GC: variants seen among roughly 807,000 people sequenced by gnomAD.
The protein encoded by GC is GC vitamin D binding protein.
Under a neutral mutation model 56.7 loss-of-function variants are expected in GC, and 43 were observed. The ratio of observed to expected loss-of-function variants is 0.76; its 90% CI spans 0.59 to 0.98. The LOEUF (loss-of-function observed/expected upper bound fraction) is 0.98. GC is among the 50% of genes least tolerant of loss of function. The pLI is 0.00. For synonymous variants in GC, 216 were observed against 202.7 expected (o/e 1.07, Z -0.56); for missense variants, 529 against 545.9 (o/e 0.97, Z 0.31).
Position 71,764,331 on chromosome 4 carries a change from T to G in GC, c.474-395A>C, listed in dbSNP as rs1208647656. On this transcript the variant is annotated intron_variant, in intron 4 of 12. Transcript: ENST00000273951. Reference sequence around the variant, plus strand: ...ATTTTGATGGACAAAGGATATATGTTACATTAATTTATAGTTTTAATATCT... The same window carrying G: ...ATTTTGATGGACAAAGGATATATGTGACATTAATTTATAGTTTTAATATCT... Among the ~76,000 whole-genome samples the G allele has an allele frequency of 1.9e-4, 29 of 152,308 alleles. 1 individual carries two copies. The highest frequency in any genetic ancestry group is 1.6e-3 in the Admixed American group (25 of 15,286).
intron 12 of GC, among the ~76,000 whole-genome samples, 156 bp from the exon 13 acceptor site, chr4:71,742,026 A>G (rs1741200966): frequency 6.6e-6 from 1 of 152,232 alleles, no homozygotes; most frequent in Non-Finnish European, 1.5e-5. Flanking sequence ...ACTATGGCCC[A>G]TCTCATAGGT....
At position 71,741,796 on chromosome 4, in the gene GC, T is replaced by A; in HGVS notation, c.*100A>T. ...GAAAAAGTAGAAAGTATCCTAGTTG[T>A]CTTCCCAGAAGCTCAGTGGTTTTGC... On this transcript the variant is annotated 3_prime_UTR_variant, in exon 13 of 13. Coordinates refer to ENST00000273951, the MANE Select transcript of GC (RefSeq NM_000583.4). The A allele has an allele frequency of 1.4e-6, 1 of 702,660 alleles. No individual in the cohort carries two copies. The highest frequency in any genetic ancestry group is 2.6e-6 in the Non-Finnish European group (1 of 384,902). 43.5% of individuals were successfully genotyped at this position (702,660 alleles called of 1,614,324 possible). A position where few individuals can be genotyped will look rare whatever the true frequency, so the allele number is the denominator to read the frequency against.
At chr4:71,748,687 T>C (rs553549473) in intron 11 of GC, among the ~76,000 whole-genome samples, 9 of 152,218 alleles carry the variant, frequency 5.9e-5, no homozygotes, top group Non-Finnish European at 1.2e-4. Flanking sequence ...AAGAGTGCCA[T>C]GGTAAAGCCA....
At chr4:71,801,390 T>C (rs186812000) in intron 1 of GC, among the ~76,000 whole-genome samples, 34 of 152,334 alleles carry the variant, frequency 2.2e-4, no homozygotes, top group Middle Eastern at 3.4e-3. Context: ...TACTCTGCCC[T>C]GCAAATTCCA....
At chr4:71,803,174 C>A (rs1462326075) in intron 1 of GC, among the ~76,000 whole-genome samples, 2 of 152,146 alleles carry the variant, frequency 1.3e-5, no homozygotes, top group East Asian at 1.9e-4. Flanking sequence ...TTTACTTCTT[C>A]CTCTGACTTA....
chr4:71,792,445 G>T (rs927538167), intron 1 of GC, among the ~76,000 whole-genome samples: 1 of 151,188 alleles, frequency 6.6e-6, no homozygotes, highest in Non-Finnish European at 1.5e-5. Context: ...CATGTTGACT[G>T]CATGAATGTC....
Position 71,768,559 on chromosome 4 carries a change from C to A in GC, c.129-126G>T, listed in dbSNP as rs7697794. 13,476 of 709,202 alleles carry A rather than the reference C, an allele frequency of 0.019. 1,357 individuals are homozygous for A. The African/African-American group carries it at 0.22, about 12-fold the overall frequency. 43.9% of individuals were successfully genotyped at this position (709,202 alleles called of 1,614,324 possible). On this transcript the variant is annotated intron_variant, in intron 2 of 12. Coordinates refer to ENST00000273951, the MANE Select transcript of GC (RefSeq NM_000583.4). The stretch of plus-strand genomic sequence containing the variant: ...TCTCAGCTCACTGCACTCTCTGCCT[C>A]CCAGGTTCAAGCAATTCTGCCTCAG...
intron 1 of GC, among the ~76,000 whole-genome samples, chr4:71,790,908 C>T (rs1473398661): frequency 6.6e-5 from 10 of 151,764 alleles, no homozygotes; most frequent in Admixed American, 6.6e-4. Context: ...TAAAGCTATC[C>T]CTCCCCTCTC....
At chr4:71,784,887 C>G (rs190399363), upstream of GC, among the ~76,000 whole-genome samples, 260 of 151,724 alleles carry the variant, frequency 1.7e-3, no homozygotes, top group African/African-American at 5.9e-3. Flanking sequence ...AATCCAACAT[C>G]TTCATTTTAC....
At chr4:71,784,115 C>A, upstream of GC, 1 of 1,503,168 alleles carries the variant, frequency 6.7e-7, no homozygotes, top group Non-Finnish European at 8.9e-7. Flanking sequence ...TACAAAGATT[C>A]CTGACTATGA....
chr4:71,787,199 T>A (rs1742861512), upstream of GC, among the ~76,000 whole-genome samples: 1 of 151,968 alleles, frequency 6.6e-6, no homozygotes, highest in Non-Finnish European at 1.5e-5. Flanking sequence ...AATAAGACTG[T>A]GTTTCTGCCT....
chr4:71,777,375 G>A (rs1373153803), intron 1 of GC, among the ~76,000 whole-genome samples: 1 of 151,556 alleles, frequency 6.6e-6, no homozygotes, highest in African/African-American at 2.4e-5. Context: ...TAAGGCTAAA[G>A]AGAGCCTTTT....
chr4:71,766,317 T>C (rs1742156610), intron 3 of GC, among the ~76,000 whole-genome samples: 1 of 152,144 alleles, frequency 6.6e-6, no homozygotes, highest in Non-Finnish European at 1.5e-5. Flanking sequence ...GCTCCAAGAT[T>C]TATGTGCAGG....
intron 1 of GC, among the ~76,000 whole-genome samples, chr4:71,802,222 C>T (rs76035620): frequency 0.027 from 4,142 of 152,080 alleles, 199 homozygotes; most frequent in African/African-American, 0.095. Flanking sequence ...TTTTAATAGT[C>T]TTAGGTTATC....
Position 71,741,880 on chromosome 4 carries a change from T to A in GC, c.*26-10A>T. 1.4e-6 allele frequency: 1 copy of A among 702,940 alleles called. No individual in the cohort carries two copies. The highest frequency in any genetic ancestry group is 2.6e-6 in the Non-Finnish European group (1 of 384,976). 43.5% of individuals were successfully genotyped at this position (702,940 alleles called of 1,614,324 possible). A position where few individuals can be genotyped will look rare whatever the true frequency, so the allele number is the denominator to read the frequency against. ...TGGCTCCAACTCTGGTCTATGAGAA[T>A]AATGAAATGAATTTTATGTTAGAAA... is the stretch of plus-strand genomic sequence containing the variant. On this transcript the variant is annotated splice_polypyrimidine_tract_variant and intron_variant, in intron 12 of 12. Transcript: ENST00000273951.
At chr4:71,773,702 A>T (rs1298570625) in intron 1 of GC, among the ~76,000 whole-genome samples, 1 of 152,014 alleles carries the variant, frequency 6.6e-6, no homozygotes, top group Non-Finnish European at 1.5e-5. Context: ...TGGATCCTAA[A>T]TATCATTGAC....
intron 1 of GC, among the ~76,000 whole-genome samples, chr4:71,774,591 G>A (rs1026335930): frequency 6.6e-6 from 1 of 152,030 alleles, no homozygotes. Flanking sequence ...ACACATTGAA[G>A]CACTTAGATT....
At chr4:71,795,331 T>A (rs1743071315) in intron 1 of GC, among the ~76,000 whole-genome samples, 1 of 152,230 alleles carries the variant, frequency 6.6e-6, no homozygotes, top group African/African-American at 2.4e-5. Flanking sequence ...GCTTTGTGAA[T>A]TTCAGTGCCC....
At chr4:71,794,252 A>T (rs1743038227) in intron 1 of GC, among the ~76,000 whole-genome samples, 1 of 152,084 alleles carries the variant, frequency 6.6e-6, no homozygotes, top group Non-Finnish European at 1.5e-5. Flanking sequence ...TCTTTGTACC[A>T]CTGGTAGAAT....
Sources: gnomAD v4.1 joint callset for allele counts (sites outside exome capture counted in the v4.1 genomes callset) on GRCh38, gnomAD v4.1.1 for gene constraint, MANE v1.5 for transcripts, NCBI Gene and HGNC (gene_info 2026-07-23, HGNC 2026-07-21) for gene names.